ANXA2: variants seen among roughly 807,000 people sequenced by gnomAD.
ANXA2 encodes the protein annexin A2, also known as annexin II.
A neutral mutation model predicts 47.3 loss-of-function variants in ANXA2; 28 were observed. That is an observed-to-expected ratio of 0.59 (90% CI 0.44 to 0.81). The LOEUF is 0.81. ANXA2 is among the 40% of genes least tolerant of loss of function. ANXA2 has a pLI of 0.00. For missense variants in ANXA2, 384 were observed against 414.3 expected (o/e 0.93, Z 0.64); for synonymous variants, 172 against 155.5 (o/e 1.11, Z -0.79).
chr15:60,353,794 G>A (rs2062383580), intron 8 of ANXA2, among the ~76,000 whole-genome samples: 1 of 152,182 alleles, frequency 6.6e-6, no homozygotes, highest in African/African-American at 2.4e-5. Flanking sequence ...CGGCTGCCAT[G>A]TTGTGAGGAC....
chr15:60,394,008 G>C (rs1026918235), intron 1 of ANXA2, among the ~76,000 whole-genome samples: 1 of 152,110 alleles, frequency 6.6e-6, no homozygotes, highest in African/African-American at 2.4e-5. Flanking sequence ...CGTGCATTCA[G>C]AGTTGGAGGC....
intron 1 of ANXA2, among the ~76,000 whole-genome samples, chr15:60,389,809 C>T (rs756484436): frequency 1.3e-5 from 2 of 152,204 alleles, no homozygotes; most frequent in Admixed American, 6.5e-5. Context: ...CAAAATGTGA[C>T]TTGCCTCTCC....
chr15:60,380,672 T>C (rs1435543325), intron 3 of ANXA2, among the ~76,000 whole-genome samples: 2 of 151,268 alleles, frequency 1.3e-5, no homozygotes. Flanking sequence ...GGCATGGTGG[T>C]GTGTGCCTGT....
At chr15:60,375,520 G>A (rs534019119) in intron 3 of ANXA2, among the ~76,000 whole-genome samples, 1 of 152,270 alleles carries the variant, frequency 6.6e-6, no homozygotes, top group Non-Finnish European at 1.5e-5. Context: ...ACACGCCATC[G>A]TATATATTTA....
chr15:60,354,095 T>G, intron 8 of ANXA2, 59 bp downstream of exon 8: 1 of 1,389,614 alleles, frequency 7.2e-7, no homozygotes, highest in South Asian at 1.2e-5. Context: ...AATTACTATA[T>G]AGACTATCCA....
intron 2 of ANXA2, chr15:60,382,700 T>C (rs1424842799): frequency 6.4e-6 from 2 of 312,374 alleles, no homozygotes; most frequent in African/African-American, 4.3e-5. Flanking sequence ...TAGTGAGAGA[T>C]CAAAAGTAGA....
At chr15:60,349,029 G>A (rs531876689) in intron 12 of ANXA2, 46 bp downstream of exon 12, 2 of 1,610,044 alleles carry the variant, frequency 1.2e-6, no homozygotes, top group South Asian at 1.1e-5. Context: ...CAGGGCCCGG[G>A]GTGCTCTGGA....
At chr15:60,397,077 C>T (rs975172487) in intron 1 of ANXA2, among the ~76,000 whole-genome samples, 1 of 152,204 alleles carries the variant, frequency 6.6e-6, no homozygotes, top group Non-Finnish European at 1.5e-5. Context: ...CCTCCTTCTT[C>T]TCAACAGCCG....
chr15:60,380,611 G>C (rs1005736964), intron 3 of ANXA2, among the ~76,000 whole-genome samples: 8 of 151,588 alleles, frequency 5.3e-5, no homozygotes, highest in East Asian at 1.9e-4. Context: ...TCGAGACCAG[G>C]CTGACCAACA....
intron 2 of ANXA2, chr15:60,382,973 C>G (rs139059118): frequency 6.5e-6 from 1 of 153,578 alleles, no homozygotes; most frequent in Non-Finnish European, 1.4e-5. Context: ...TCTGGCCAGA[C>G]GGCCCACATC....
In ANXA2 at chr15:60,364,485, G is replaced by A. The variant is rs11553794; in HGVS notation, c.187C>T (p.Arg63Cys). Residue 63 changes from arginine to cysteine, a missense_variant, in exon 4 of 13, where the codon CGC becomes TGC. Arg to Cys is a radical substitution (Grantham distance 180). Transcript: ENST00000451270. Reference protein sequence around the residue: ...EVTIVNILTNRSNAQRQDIAF... With the variant: ...EVTIVNILTNCSNAQRQDIAF... ...ATATCCTGTCTCTGTGCATTGCTGCGGTTGGTCAAAATGTTGACAATGGTG... is the reference window on the plus strand; with the variant it reads ...ATATCCTGTCTCTGTGCATTGCTGCAGTTGGTCAAAATGTTGACAATGGTG... 554 of 1,613,150 alleles carry A rather than the reference G, an allele frequency of 3.4e-4. 6 individuals carry two copies. In the South Asian group the frequency reaches 5.7e-3, roughly 17 times the overall value.
At chr15:60,354,236 T>C (rs1394067258) in intron 7 of ANXA2, 23 bp from the exon 8 acceptor site, 1 of 1,576,346 alleles carries the variant, frequency 6.3e-7, no homozygotes, top group Non-Finnish European at 8.7e-7. Flanking sequence ...GAAAAAGAAC[T>C]TCAAATACAT....
At chr15:60,388,221 G>T (rs1390457198) in intron 1 of ANXA2, among the ~76,000 whole-genome samples, 1 of 151,940 alleles carries the variant, frequency 6.6e-6, no homozygotes, top group Non-Finnish European at 1.5e-5. Context: ...GAATAGTCTT[G>T]CTCTGTAGCA....
intron 3 of ANXA2, among the ~76,000 whole-genome samples, chr15:60,368,927 G>A (rs1001748931): frequency 1.3e-5 from 2 of 152,114 alleles, no homozygotes; most frequent in African/African-American, 2.4e-5. Context: ...TCCAAACATC[G>A]TAAGACAAGC....
intron 1 of ANXA2, chr15:60,386,967 C>A (rs78202384): frequency 6.6e-6 from 1 of 152,322 alleles, no homozygotes; most frequent in African/African-American, 2.4e-5. Context: ...ATTGCAGTGA[C>A]TCCTGCTTTG....
chr15:60,347,315 G>A lies in ANXA2; in HGVS notation c.*315C>T, dbSNP rs1895760609. 2 of 384,224 alleles carry A rather than the reference G, an allele frequency of 5.2e-6. No homozygotes were observed. The highest frequency in any genetic ancestry group is 2.0e-5 in the African/African-American group (1 of 49,032). The allele number at this position is 384,224 out of a possible 1,614,324, so 23.8% of individuals were successfully genotyped here. ...TTTTCAAACAATTCAGTTGAAAGCA[G>A]GGCCACAAAGTACGTGTTTCTAAAG... On this transcript the variant is annotated 3_prime_UTR_variant, in exon 13 of 13. Transcript: ENST00000451270.
intron 1 of ANXA2, chr15:60,396,340 C>A (rs1283066179): frequency 1.3e-5 from 2 of 152,030 alleles, no homozygotes; most frequent in South Asian, 2.1e-4. Flanking sequence ...GCAGGTCCGC[C>A]GAAATGGGAA....
At chr15:60,386,283 G>C in intron 1 of ANXA2, 197 bp from the exon 2 acceptor site, 1 of 560,124 alleles carries the variant, frequency 1.8e-6, no homozygotes, top group Non-Finnish European at 3.2e-6. Flanking sequence ...GGGTTGGGAT[G>C]GACTACTAAA....
At chr15:60,383,002 C>G (rs925540030) in intron 2 of ANXA2, 5 of 153,316 alleles carry the variant, frequency 3.3e-5, no homozygotes, top group East Asian at 3.8e-4. Flanking sequence ...GTTTCCCCCC[C>G]TCTCCTCTGT....
Sources: allele counts gnomAD v4.1 joint callset (sites outside exome capture counted in the v4.1 genomes callset), GRCh38; gene constraint gnomAD v4.1.1; transcripts MANE v1.5; gene names NCBI Gene and HGNC (gene_info 2026-07-23, HGNC 2026-07-21).